Variants in TWF2 observed in about 807,000 individuals in gnomAD.
The protein encoded by TWF2 is twinfilin-2.
TWF2 carries 15 observed loss-of-function variants against 45.1 expected under a neutral mutation model. That is an observed-to-expected ratio of 0.33 (90% CI 0.22 to 0.51). The LOEUF (loss-of-function observed/expected upper bound fraction) is 0.51, where lower values mean the gene tolerates loss of function less well. Among genes scored for constraint, TWF2 ranks in the 20% least tolerant of loss-of-function variants. The pLI is 0.97. For missense variants in TWF2, 423 were observed against 469.1 expected (o/e 0.90, Z 0.91); for synonymous variants, 177 against 195.8 (o/e 0.90, Z 0.80).
intron 2 of TWF2, chr3:52,232,371 C>G: frequency 1.8e-6 from 1 of 562,314 alleles, no homozygotes; most frequent in Non-Finnish European, 3.2e-6. Context: ...CCCCCACACA[C>G]ACACACGTGC....
At chr3:52,230,483 C>T (rs1699667760) in intron 6 of TWF2, among the ~76,000 whole-genome samples, 1 of 152,150 alleles carries the variant, frequency 6.6e-6, no homozygotes, top group Admixed American at 6.5e-5. Flanking sequence ...GCAGAAGGAC[C>T]CTGCCTAGGG....
At chr3:52,235,829 A>T (rs898550635) in intron 1 of TWF2, among the ~76,000 whole-genome samples, 4 of 152,112 alleles carry the variant, frequency 2.6e-5, no homozygotes, top group Non-Finnish European at 4.4e-5. Context: ...CACGCATGAC[A>T]CCCATGTGTG....
At chr3:52,233,913 CAAAAAAAAAAA>C (rs5848945) in intron 2 of TWF2, among the ~76,000 whole-genome samples, 4 of 74,242 alleles carry the variant, frequency 5.4e-5, no homozygotes, top group South Asian at 5.3e-4. Flanking sequence ...AACTCCGTCT[CAAAAAAAAAAA>C]AAAAAAAAAA....
chr3:52,238,634 T>A (rs1699750040), intron 1 of TWF2, among the ~76,000 whole-genome samples: 1 of 151,936 alleles, frequency 6.6e-6, no homozygotes, highest in African/African-American at 2.4e-5. Context: ...CACAAGCGAG[T>A]CACATCCAGA....
chr3:52,230,774 G>A, intron 6 of TWF2, 96 bp downstream of exon 6: 1 of 1,491,784 alleles, frequency 6.7e-7, no homozygotes, highest in Non-Finnish European at 9.0e-7. Context: ...CAGACTGCAG[G>A]CTGGTGGAGT....
Position 52,235,148 on chromosome 3 carries a change from T to C in TWF2, c.26-42A>G. 5 of 1,603,250 alleles carry C rather than the reference T, an allele frequency of 3.1e-6. No homozygotes were observed. In the African/African-American group the frequency reaches 4.0e-5, roughly 13 times the overall value. ...CATGGTGGGGGATGAGTGGGCAGAG[T>C]GGACAGAGACGAGTATGGGGCCTGC... On this transcript the variant is annotated intron_variant, in intron 1 of 8. Coordinates refer to ENST00000305533, the MANE Select transcript of TWF2 (RefSeq NM_007284.4).
At position 52,230,084 on chromosome 3, in the gene TWF2, AG is replaced by A; in HGVS notation, c.610-15del. 6.4e-7 allele frequency: 1 copy of A among 1,568,570 alleles called. No homozygotes were observed. The highest frequency in any genetic ancestry group is 1.1e-5 in the South Asian group (1 of 87,498). ...TAGGTCCAGCTTCTGCCCAGGGCCAAGGGAAGATGGGAGAGCACCAGGTCGG... is the reference window on the plus strand; with the variant it reads ...TAGGTCCAGCTTCTGCCCAGGGCCAAGGAAGATGGGAGAGCACCAGGTCGG... On this transcript the variant is annotated splice_polypyrimidine_tract_variant and intron_variant, in intron 6 of 8. Coordinates refer to ENST00000305533, the MANE Select transcript of TWF2 (RefSeq NM_007284.4).
chr3:52,235,503 A>ACAAATGCCCCCACTGTG (rs1272351154), intron 1 of TWF2, among the ~76,000 whole-genome samples: 1 of 152,166 alleles, frequency 6.6e-6, no homozygotes, highest in East Asian at 1.9e-4. Context: ...AAGAACACAG[A>ACAAATGCCCCCACTGTG]CAAATGCCCC....
At position 52,229,053 on chromosome 3, in the gene TWF2, T is replaced by C. The variant is rs1699651913; in HGVS notation, c.1031A>G (p.Glu344Gly). 2 of 1,611,936 alleles carry C rather than the reference T, an allele frequency of 1.2e-6. No individual in the cohort carries two copies. The highest frequency in any genetic ancestry group is 1.1e-5 in the South Asian group (1 of 90,994). Residue 344 changes from glutamate (E) to glycine (G), a missense_variant, in exon 9 of 9, where the codon GAA (glutamate) becomes GGA (glycine). Physicochemically the swap from Glu to Gly is moderately conservative, Grantham distance 98. Coordinates refer to ENST00000305533, the MANE Select transcript of TWF2 (RefSeq NM_007284.4). ...AGCCTCCTAGCTGTCATCCCCATTT[T>C]CACCCGGGCCGCGGATGAGGCGCTT... The part of the protein sequence containing the change: ...GHKRLIRGPG[E>G]NGDDS
In TWF2 at chr3:52,230,955, A is replaced by G. The variant is rs1329442891; in HGVS notation, c.524T>C (p.Leu175Pro). 6.2e-7 allele frequency: 1 copy of G among 1,603,932 alleles called. No homozygotes were observed. The highest frequency in any genetic ancestry group is 8.5e-7 in the Non-Finnish European group (1 of 1,175,448). The change falls in exon 6 of 9, where the codon CTG (leucine) becomes CCG (proline). Residue 175 changes from leucine (L) to proline (P), a missense_variant. Coordinates refer to ENST00000305533, the MANE Select transcript of TWF2 (RefSeq NM_007284.4). ...CTGCAGGGGGAAGGCGAGGCCCTGC[A>G]GGGTCTGGTGCTTGCTTTCCACACT... ...EISVESKHQTLQGLAFPLQPE... is the reference protein window; with the variant it reads ...EISVESKHQTPQGLAFPLQPE...
In TWF2 at chr3:52,229,004, T is replaced by C. The variant is rs1210318966; in HGVS notation, c.*30A>G. Reference sequence around the variant, plus strand: ...GAGCGGAAGGTGGGCAGCCCCACAGTCCACACGTGGCCGGCCCTGCTCCAG... The same window carrying C: ...GAGCGGAAGGTGGGCAGCCCCACAGCCCACACGTGGCCGGCCCTGCTCCAG... On this transcript the variant is annotated 3_prime_UTR_variant, in exon 9 of 9. Coordinates refer to ENST00000305533, the MANE Select transcript of TWF2 (RefSeq NM_007284.4). 6.2e-7 allele frequency: 1 copy of C among 1,603,680 alleles called. No individual in the cohort carries two copies. The highest frequency in any genetic ancestry group is 1.7e-5 in the Admixed American group (1 of 59,470).
chr3:52,231,030 C>CG, intron 5 of TWF2, 35 bp from the exon 6 acceptor site: 5 of 1,608,690 alleles, frequency 3.1e-6, no homozygotes, highest in Non-Finnish European at 3.4e-6. Context: ...AGGCCCTCAC[C>CG]GGCCCAAAGC....
At chr3:52,229,627 C>G (rs1301438304) in intron 8 of TWF2, 34 bp downstream of exon 8, 1 of 1,610,446 alleles carries the variant, frequency 6.2e-7, no homozygotes, top group African/African-American at 1.3e-5. Flanking sequence ...AGTGATAGGG[C>G]CTGGGGAGGT....
In TWF2 at chr3:52,229,975, G is replaced by C; in HGVS notation, c.705C>G (p.Arg235=). The change falls in exon 7 of 9, where the codon CGC becomes CGG. Residue 235 remains arginine (R), a synonymous_variant. Transcript: ENST00000305533. ...TGTGCTTGTAGAGGAAGAAGTGGTAGCGGGCAGCATCTCGGGGCACCCGGG... is the reference window on the plus strand; with the variant it reads ...TGTGCTTGTAGAGGAAGAAGTGGTACCGGGCAGCATCTCGGGGCACCCGGG... The part of the protein sequence containing the change: ...LPSRVPRDAA[R]YHFFLYKHTH... 1 of 1,613,220 alleles carries C rather than the reference G, an allele frequency of 6.2e-7. No homozygotes were observed. The highest frequency in any genetic ancestry group is 8.5e-7 in the Non-Finnish European group (1 of 1,179,986).
intron 1 of TWF2, among the ~76,000 whole-genome samples, chr3:52,235,540 TCACA>T (rs149768402): frequency 2.8e-3 from 410 of 147,916 alleles, no homozygotes; most frequent in Non-Finnish European, 4.3e-3. Flanking sequence ...CTATGCCCAT[TCACA>T]CACACACACA....
rs1457311457 is a variant in TWF2 at position 52,228,851 on chromosome 3, C to T, written c.*183G>A. The T allele has an allele frequency of 4.5e-6, 4 of 892,208 alleles. No homozygotes were observed. Among genetic ancestry groups the T allele is most frequent in the Non-Finnish European group, 3.3e-6 (2 of 606,442 alleles). The allele number at this position is 892,208 out of a possible 1,614,324, so 55.3% of individuals were successfully genotyped here. A position where few individuals can be genotyped will look rare whatever the true frequency, so the allele number is the denominator to read the frequency against. ...TGGGCACACAGACGAGATGCAGGGA[C>T]AGCAACAGGGAAGGGTCACAAAATG... On this transcript the variant is annotated 3_prime_UTR_variant, in exon 9 of 9. Transcript: ENST00000305533.
rs774834547 is a variant in TWF2, at chr3:52,229,707, A to C, written c.836T>G (p.Leu279Arg). ...GAAGTCCTGCTCCACGGAGTCGAGGAGGCGGCTCTTGCAGCTGGAGTAGAG... is the reference window on the plus strand; with the variant it reads ...GAAGTCCTGCTCCACGGAGTCGAGGCGGCGGCTCTTGCAGCTGGAGTAGAG... ...RMLYSSCKSR[L>R]LDSVEQDFHL... Residue 279 changes from leucine (L) to arginine (R), a missense_variant, in exon 8 of 9, where the codon CTC (leucine) becomes CGC (arginine). Transcript: ENST00000305533. 6.2e-7 allele frequency: 1 copy of C among 1,613,418 alleles called. No homozygotes were observed. The highest frequency in any genetic ancestry group is 8.5e-7 in the Non-Finnish European group (1 of 1,180,008).
chr3:52,231,527 T>A lies in TWF2; in HGVS notation c.295A>T (p.Met99Leu). 6.2e-7 allele frequency: 1 copy of A among 1,613,254 alleles called. No homozygotes were observed. The highest frequency in any genetic ancestry group is 8.5e-7 in the Non-Finnish European group (1 of 1,179,820). The change falls in exon 4 of 9, where the codon ATG (methionine) becomes TTG (leucine). Residue 99 changes from methionine to leucine, a missense_variant. Physicochemically the swap from Met to Leu is conservative, Grantham distance 15. Coordinates refer to ENST00000305533, the MANE Select transcript of TWF2 (RefSeq NM_007284.4). ...GTGGCCCGCGTGGCCGCGTACAGCA[T>A]CTTCAGCCGCACCTGAAGGGCAAGG... Reference protein sequence around the residue: ...SPDNSPVRLKMLYAATRATVK... With the variant: ...SPDNSPVRLKLLYAATRATVK...
intron 1 of TWF2, among the ~76,000 whole-genome samples, chr3:52,236,482 C>T (rs1699727471): frequency 6.6e-6 from 1 of 152,100 alleles, no homozygotes; most frequent in African/African-American, 2.4e-5. Flanking sequence ...TGGGGAAGGG[C>T]CCTGCTTGGG....
Sources: gnomAD v4.1 joint callset for allele counts (sites outside exome capture counted in the v4.1 genomes callset) on GRCh38, gnomAD v4.1.1 for gene constraint, MANE v1.5 for transcripts, NCBI Gene and HGNC (gene_info 2026-07-23, HGNC 2026-07-21) for gene names.